The following SAMD5 variants were observed in gnomAD, a reference collection of about 807,000 sequenced individuals.
The protein encoded by SAMD5 is sterile alpha motif domain-containing protein 5.
In SAMD5, 13 loss-of-function variants were observed where a neutral mutation model predicts 11.3. The ratio of observed to expected loss-of-function variants is 1.15; its 90% CI spans 0.75 to 1.83. SAMD5 has a LOEUF of 1.83. SAMD5 is among the 40% of genes most tolerant of loss of function. The pLI, the probability that SAMD5 is intolerant of heterozygous loss-of-function variation, is 0.00. For synonymous variants in SAMD5, 129 were observed against 111.3 expected (o/e 1.16, Z -1.00); for missense variants, 255 against 239.1 (o/e 1.07, Z -0.44).
intron 1 of SAMD5, among the ~76,000 whole-genome samples, chr6:147,589,289 C>T (rs566188550): frequency 2.6e-5 from 4 of 152,220 alleles, no homozygotes; most frequent in African/African-American, 4.8e-5. Flanking sequence ...TGCCCGTTTT[C>T]ACTTTCAAAA....
At chr6:147,543,234 T>G (rs1346679876) in intron 1 of SAMD5, among the ~76,000 whole-genome samples, 7 of 152,314 alleles carry the variant, frequency 4.6e-5, no homozygotes, top group Non-Finnish European at 1.5e-5. Context: ...GATGGAAAGA[T>G]GTTTATTTTA....
chr6:147,606,363 G>A (rs553983571), intron 1 of SAMD5, among the ~76,000 whole-genome samples: 2 of 152,022 alleles, frequency 1.3e-5, no homozygotes, highest in South Asian at 4.2e-4. Context: ...CAAATGTTGA[G>A]GCTTTAATAG....
the SAMD5 span, among the ~76,000 whole-genome samples, chr6:147,814,437 T>C: frequency 2.5e-4 from 38 of 152,254 alleles, no homozygotes; most frequent in East Asian, 1.5e-3. Flanking sequence ...AAAAAATATG[T>C]TCCTCTGCAA....
At chr6:147,607,592 A>C (rs893114380) in intron 1 of SAMD5, among the ~76,000 whole-genome samples, 9 of 152,182 alleles carry the variant, frequency 5.9e-5, no homozygotes, top group Admixed American at 5.9e-4. Context: ...ATCCATATGC[A>C]GAAGAATGAA....
the SAMD5 span, among the ~76,000 whole-genome samples, chr6:147,937,633 G>T: frequency 6.6e-6 from 1 of 152,190 alleles, no homozygotes; most frequent in Non-Finnish European, 1.5e-5. Context: ...TCAGGGGAAT[G>T]GTTCAAACTA....
chr6:147,941,852 G>GTTT, the SAMD5 span, among the ~76,000 whole-genome samples: 4 of 132,712 alleles, frequency 3.0e-5, no homozygotes, highest in African/African-American at 1.0e-4. Flanking sequence ...GTGTGAAGTT[G>GTTT]GTTTGTTTGT....
intron 1 of SAMD5, among the ~76,000 whole-genome samples, chr6:147,652,072 A>G (rs1790493372): frequency 6.6e-6 from 1 of 152,192 alleles, no homozygotes; most frequent in Non-Finnish European, 1.5e-5. Context: ...AACGTATCTT[A>G]ATTGGTCAAA....
chr6:147,671,574 C>G (rs556132019), intron 1 of SAMD5, among the ~76,000 whole-genome samples: 36 of 152,312 alleles, frequency 2.4e-4, no homozygotes, highest in African/African-American at 8.4e-4. Flanking sequence ...AAGTTGCTAA[C>G]ACCAATAGCA....
the SAMD5 span, among the ~76,000 whole-genome samples, chr6:147,891,271 T>C: frequency 6.6e-6 from 1 of 152,138 alleles, no homozygotes; most frequent in Admixed American, 6.5e-5. Context: ...GAATAGTCTA[T>C]GTATTATTTG....
At position 147,509,359 on chromosome 6, in the gene SAMD5, A is replaced by G. The variant is rs1177721129; in HGVS notation, c.431A>G (p.His144Arg). ...GATAAGCTCGTCCGTGACGGCATCC[A>G]CCTGAGCAAGCCCCCGTACTCCCGC... is the stretch of plus-strand genomic sequence containing the variant. Reference protein sequence around the residue: ...IRDKLVRDGIHLSKPPYSRKV... With the variant: ...IRDKLVRDGIRLSKPPYSRKV... The change falls in exon 1 of 2, where the codon CAC (histidine) becomes CGC (arginine). Residue 144 changes from histidine (H) to arginine (R), a missense_variant. Coordinates refer to ENST00000367474, the MANE Select transcript of SAMD5 (RefSeq NM_001030060.3). The G allele has an allele frequency of 5.1e-6, 8 of 1,571,868 alleles. No homozygotes were observed. The highest frequency in any genetic ancestry group is 6.9e-6 in the Non-Finnish European group (8 of 1,160,680).
At chr6:147,664,380 A>G (rs1583130321) in intron 1 of SAMD5, among the ~76,000 whole-genome samples, 2 of 152,268 alleles carry the variant, frequency 1.3e-5, no homozygotes, top group East Asian at 3.9e-4. Context: ...ACTATAAGCC[A>G]TCTTCTGAGT....
the SAMD5 span, among the ~76,000 whole-genome samples, chr6:147,864,163 G>T: frequency 2.6e-5 from 4 of 152,198 alleles, no homozygotes; most frequent in East Asian, 7.8e-4. Context: ...CCACCAAACA[G>T]CATAAACATC....
intron 1 of SAMD5, among the ~76,000 whole-genome samples, chr6:147,654,398 A>T (rs1051182827): frequency 1.3e-5 from 2 of 152,184 alleles, no homozygotes; most frequent in Admixed American, 6.5e-5. Flanking sequence ...CTATACAAAG[A>T]GCTCCGTGGG....
At chr6:147,578,366 T>C (rs1338945749) in intron 1 of SAMD5, among the ~76,000 whole-genome samples, 1 of 152,162 alleles carries the variant, frequency 6.6e-6, no homozygotes, top group Non-Finnish European at 1.5e-5. Flanking sequence ...CCCATTTCCA[T>C]TCCCACATCC....
intron 1 of SAMD5, among the ~76,000 whole-genome samples, chr6:147,608,025 C>A (rs1789728154): frequency 6.6e-6 from 1 of 152,060 alleles, no homozygotes; most frequent in Non-Finnish European, 1.5e-5. Context: ...GGCAAGTAAG[C>A]ACATAAAAAG....
chr6:147,566,361 T>A lies in SAMD5; in HGVS notation c.*1905T>A. The A allele has an allele frequency of 1.0e-6, 1 of 984,420 alleles. No individual in the cohort carries two copies. The highest frequency in any genetic ancestry group is 1.2e-6 in the Non-Finnish European group (1 of 828,710). 61.0% of individuals were successfully genotyped at this position (984,420 alleles called of 1,614,324 possible). A position where few individuals can be genotyped will look rare whatever the true frequency, so the allele number is the denominator to read the frequency against. ...TTCTTTTGAGTGGTAGGGGAGTCTG[T>A]ATAGATTACAGATATAATTTATTGT... On this transcript the variant is annotated 3_prime_UTR_variant, in exon 2 of 2. Transcript: ENST00000367474.
At chr6:147,615,142 T>A (rs1021560236) in intron 1 of SAMD5, among the ~76,000 whole-genome samples, 1 of 151,990 alleles carries the variant, frequency 6.6e-6, no homozygotes, top group Non-Finnish European at 1.5e-5. Flanking sequence ...GACTTGAGCA[T>A]CTTGGAACCA....
chr6:147,531,599 A>G (rs1040220757), intron 1 of SAMD5, among the ~76,000 whole-genome samples: 2 of 152,214 alleles, frequency 1.3e-5, no homozygotes, highest in Non-Finnish European at 2.9e-5. Context: ...CCATCAGTGC[A>G]AACAAACCTA....
chr6:147,883,449 A>G, the SAMD5 span, among the ~76,000 whole-genome samples: 2 of 152,338 alleles, frequency 1.3e-5, no homozygotes, highest in Admixed American at 1.3e-4. Context: ...AAACTCAGAG[A>G]TGTGATTGAC....
Sources: gnomAD v4.1 joint callset for allele counts (sites outside exome capture counted in the v4.1 genomes callset) on GRCh38, gnomAD v4.1.1 for gene constraint, MANE v1.5 for transcripts, NCBI Gene and HGNC (gene_info 2026-07-23, HGNC 2026-07-21) for gene names.